Variants in UNC5D observed in about 807,000 individuals in gnomAD.
UNC5D encodes unc-5 netrin receptor D.
In UNC5D, 39 loss-of-function variants were observed where a neutral mutation model predicts 105.4. The observed-to-expected ratio is 0.37, with a 90% CI of 0.29 to 0.48. The LOEUF is 0.48. Among genes scored for constraint, UNC5D ranks in the 20% least tolerant of loss-of-function variants. The pLI is 0.98. For synonymous variants in UNC5D, 452 were observed against 450.4 expected (o/e 1.00, Z -0.04); for missense variants, 991 against 1,202.4 (o/e 0.82, Z 2.60).
chr8:35,483,297 A>C (rs1810617026), intron 1 of UNC5D, among the ~76,000 whole-genome samples: 1 of 152,234 alleles, frequency 6.6e-6, no homozygotes, highest in Non-Finnish European at 1.5e-5. Flanking sequence ...CCTGGTTCAC[A>C]GTGACATCTG....
At chr8:35,719,784 T>C (rs1021607951) in intron 8 of UNC5D, among the ~76,000 whole-genome samples, 1 of 152,204 alleles carries the variant, frequency 6.6e-6, no homozygotes, top group Admixed American at 6.5e-5. Flanking sequence ...AGGCATCCCT[T>C]TCCTCTGCCG....
intron 4 of UNC5D, among the ~76,000 whole-genome samples, chr8:35,612,787 A>C (rs1820779660): frequency 6.9e-6 from 1 of 145,820 alleles, no homozygotes; most frequent in Non-Finnish European, 1.5e-5. Flanking sequence ...GTTTTGTAAA[A>C]AAAGGTTTTG....
intron 13 of UNC5D, among the ~76,000 whole-genome samples, chr8:35,757,173 A>G (rs565363275): frequency 3.3e-5 from 5 of 152,314 alleles, no homozygotes; most frequent in East Asian, 1.9e-4. Context: ...GCTATCTTCA[A>G]TTTACAAGAT....
chr8:35,369,571 C>T (rs1026426450), intron 1 of UNC5D, among the ~76,000 whole-genome samples: 1 of 152,170 alleles, frequency 6.6e-6, no homozygotes, highest in African/African-American at 2.4e-5. Flanking sequence ...CACCTCTTGA[C>T]TTGGCCCAGG....
intron 4 of UNC5D, among the ~76,000 whole-genome samples, chr8:35,671,179 T>C (rs1824775743): frequency 6.6e-6 from 1 of 152,142 alleles, no homozygotes; most frequent in South Asian, 2.1e-4. Context: ...TTGTCTGTCT[T>C]ATTAATCCGT....
intron 1 of UNC5D, among the ~76,000 whole-genome samples, chr8:35,537,408 G>T (rs1030582422): frequency 6.6e-6 from 1 of 152,124 alleles, no homozygotes; most frequent in Non-Finnish European, 1.5e-5. Context: ...GGCAGGATAC[G>T]GTGGCTCATG....
At chr8:35,737,814 T>C (rs550904370) in intron 11 of UNC5D, among the ~76,000 whole-genome samples, 1 of 152,044 alleles carries the variant, frequency 6.6e-6, no homozygotes, top group South Asian at 2.1e-4. Context: ...ACATAAGAAA[T>C]AAAAAATCTC....
intron 1 of UNC5D, among the ~76,000 whole-genome samples, chr8:35,319,337 T>A (rs1313705238): frequency 6.6e-6 from 1 of 152,122 alleles, no homozygotes; most frequent in Non-Finnish European, 1.5e-5. Context: ...TGCCTCTACT[T>A]GTTAGAAATA....
chr8:35,282,136 C>G (rs551213477), intron 1 of UNC5D, among the ~76,000 whole-genome samples: 1 of 152,250 alleles, frequency 6.6e-6, no homozygotes, highest in African/African-American at 2.4e-5. Context: ...TGATAAGTAA[C>G]CTAGTCATAG....
chr8:35,716,951 C>T (rs1459892590), intron 8 of UNC5D, among the ~76,000 whole-genome samples: 3 of 152,224 alleles, frequency 2.0e-5, no homozygotes, highest in African/African-American at 7.2e-5. Flanking sequence ...CACTTTGTAT[C>T]AACACCACCT....
chr8:35,637,322 C>T (rs758140932), intron 4 of UNC5D, among the ~76,000 whole-genome samples: 6 of 152,146 alleles, frequency 3.9e-5, no homozygotes, highest in Non-Finnish European at 7.3e-5. Flanking sequence ...TCATACCAAT[C>T]AAAAATATTA....
intron 4 of UNC5D, among the ~76,000 whole-genome samples, chr8:35,613,741 TG>T (rs1820845721): frequency 6.6e-6 from 1 of 152,040 alleles, no homozygotes; most frequent in Non-Finnish European, 1.5e-5. Context: ...TCCAGCTACT[TG>T]AGTGGCTGAG....
chr8:35,247,027 T>C (rs1554859), intron 1 of UNC5D, among the ~76,000 whole-genome samples: 68,251 of 151,690 alleles, frequency 0.45, 15,731 homozygotes, highest in East Asian at 0.7. Context: ...TGAAGTTGCT[T>C]GCTTGGCTTT....
intron 4 of UNC5D, among the ~76,000 whole-genome samples, chr8:35,616,432 C>T (rs1359022886): frequency 1.3e-5 from 2 of 152,186 alleles, no homozygotes; most frequent in African/African-American, 4.8e-5. Context: ...ATACAAGCCT[C>T]CTGCTTTTCC....
intron 8 of UNC5D, among the ~76,000 whole-genome samples, chr8:35,720,759 A>G (rs1231302912): frequency 1.3e-5 from 2 of 152,070 alleles, no homozygotes; most frequent in Non-Finnish European, 2.9e-5. Context: ...GGAAGTTTAA[A>G]TCACACCCTG....
At chr8:35,407,516 T>C (rs1465357245) in intron 1 of UNC5D, among the ~76,000 whole-genome samples, 1 of 150,568 alleles carries the variant, frequency 6.6e-6, no homozygotes, top group African/African-American at 2.5e-5. Context: ...TTTGTATGTA[T>C]GTATGTATGT....
At chr8:35,291,817 A>G (rs950288745) in intron 1 of UNC5D, among the ~76,000 whole-genome samples, 8 of 152,204 alleles carry the variant, frequency 5.3e-5, no homozygotes, top group Admixed American at 2.6e-4. Context: ...TTTTGTAAAG[A>G]TAAGTTTCAG....
intron 1 of UNC5D, among the ~76,000 whole-genome samples, chr8:35,299,849 T>C (rs151114617): frequency 6.6e-6 from 1 of 151,620 alleles, no homozygotes; most frequent in Non-Finnish European, 1.5e-5. Flanking sequence ...TAAAATAGAG[T>C]GAGGAAAGTT....
At chr8:35,430,294 G>A (rs1445919575) in intron 1 of UNC5D, among the ~76,000 whole-genome samples, 9 of 151,264 alleles carry the variant, frequency 5.9e-5, no homozygotes, top group East Asian at 2.0e-4. Context: ...CCAGATAGCC[G>A]AACATCTGGA....
Sources: allele counts gnomAD v4.1 joint callset (sites outside exome capture counted in the v4.1 genomes callset), GRCh38; gene constraint gnomAD v4.1.1; transcripts MANE v1.5; gene names NCBI Gene and HGNC (gene_info 2026-07-23, HGNC 2026-07-21).